SLC25A21: variants seen among roughly 807,000 people sequenced by gnomAD.
SLC25A21 encodes solute carrier family 25 member 21.
A neutral mutation model predicts 43.8 loss-of-function variants in SLC25A21; 47 were observed. The ratio of observed to expected loss-of-function variants is 1.07; its 90% CI spans 0.85 to 1.37. SLC25A21 has a LOEUF of 1.37. Ranked by LOEUF, SLC25A21 falls within the 40% of genes most tolerant of loss-of-function variation. SLC25A21 has a pLI of 0.00. For synonymous variants in SLC25A21, 131 were observed against 121.3 expected (o/e 1.08, Z -0.52); for missense variants, 352 against 350.2 (o/e 1.00, Z -0.04).
intron 7 of SLC25A21, among the ~76,000 whole-genome samples, chr14:36,688,056 ACT>A (rs1376485461): frequency 1.3e-5 from 2 of 152,116 alleles, no homozygotes; most frequent in Non-Finnish European, 2.9e-5. Flanking sequence ...CCGAATCCAT[ACT>A]ATGGTCACAC....
At chr14:37,127,812 C>T (rs947957067) in intron 1 of SLC25A21, among the ~76,000 whole-genome samples, 4 of 152,100 alleles carry the variant, frequency 2.6e-5, no homozygotes, top group African/African-American at 4.8e-5. Context: ...ATTTTTCATT[C>T]CAGTTTTAGA....
chr14:36,819,694 C>T lies in SLC25A21; in HGVS notation c.120-5693G>A, dbSNP rs569274312. On this transcript the variant is annotated intron_variant, in intron 2 of 9. Coordinates refer to ENST00000331299, the MANE Select transcript of SLC25A21 (RefSeq NM_030631.4). Reference sequence around the variant, plus strand: ...TATCATCTTCTTAACAAATACTGAACGAGTCTATTCTGGGGAGTGGAGGCT... The same window carrying T: ...TATCATCTTCTTAACAAATACTGAATGAGTCTATTCTGGGGAGTGGAGGCT... Among the ~76,000 whole-genome samples, 8 of 152,138 alleles carry T rather than the reference C, an allele frequency of 5.3e-5. 1 individual carries two copies. The highest frequency in any genetic ancestry group is 1.4e-4 in the African/African-American group (6 of 41,494).
At chr14:37,058,513 T>C (rs1961877907) in intron 1 of SLC25A21, among the ~76,000 whole-genome samples, 1 of 152,336 alleles carries the variant, frequency 6.6e-6, no homozygotes, top group Admixed American at 6.5e-5. Flanking sequence ...TTCATTTTCC[T>C]CCATGAGTTT....
At chr14:36,976,721 G>T (rs1427055696) in intron 1 of SLC25A21, among the ~76,000 whole-genome samples, 1 of 152,182 alleles carries the variant, frequency 6.6e-6, no homozygotes, top group African/African-American at 2.4e-5. Flanking sequence ...CCACTGGCTG[G>T]GACAGCAGAA....
At chr14:36,697,069 A>G (rs1883059675) in intron 7 of SLC25A21, among the ~76,000 whole-genome samples, 1 of 152,150 alleles carries the variant, frequency 6.6e-6, no homozygotes, top group African/African-American at 2.4e-5. Context: ...TTCCCTGTAC[A>G]CACCGCTTTA....
chr14:37,093,713 G>C (rs1029325032), intron 1 of SLC25A21, among the ~76,000 whole-genome samples: 1 of 152,116 alleles, frequency 6.6e-6, no homozygotes, highest in Non-Finnish European at 1.5e-5. Context: ...GGAAAAAAGT[G>C]GGGGGAGGAT....
intron 1 of SLC25A21, among the ~76,000 whole-genome samples, chr14:36,971,858 G>A (rs537884420): frequency 2.0e-4 from 30 of 152,204 alleles, no homozygotes; most frequent in Admixed American, 1.0e-3. Flanking sequence ...GTACTAGTTG[G>A]GAAAGGCAAG....
intron 1 of SLC25A21, among the ~76,000 whole-genome samples, chr14:36,902,984 AAAC>A (rs201438966): frequency 9.9e-5 from 15 of 152,168 alleles, no homozygotes; most frequent in South Asian, 4.2e-4. Context: ...AACAAAACCA[AAAC>A]AACAACAACA....
chr14:37,151,710 A>C (rs528780207), intron 1 of SLC25A21, among the ~76,000 whole-genome samples: 13 of 152,332 alleles, frequency 8.5e-5, no homozygotes, highest in African/African-American at 3.1e-4. Context: ...TCAGCCTTGA[A>C]CAAGATATTT....
chr14:36,824,043 C>G (rs560378110), intron 2 of SLC25A21, among the ~76,000 whole-genome samples: 3 of 152,318 alleles, frequency 2.0e-5, no homozygotes, highest in East Asian at 3.9e-4. Context: ...CACTAGAGAA[C>G]AGGAGCCAGG....
At chr14:36,999,028 C>T (rs1249238705) in intron 1 of SLC25A21, among the ~76,000 whole-genome samples, 1 of 152,068 alleles carries the variant, frequency 6.6e-6, no homozygotes, top group Non-Finnish European at 1.5e-5. Flanking sequence ...ATACTTGTTC[C>T]ATAGAATGCA....
At chr14:37,141,893 C>T (rs941698263) in intron 1 of SLC25A21, among the ~76,000 whole-genome samples, 3 of 152,172 alleles carry the variant, frequency 2.0e-5, no homozygotes, top group African/African-American at 7.2e-5. Context: ...CTTGGCTGCA[C>T]ATTGGACTCA....
At chr14:36,785,503 G>A (rs1887216160) in intron 3 of SLC25A21, among the ~76,000 whole-genome samples, 1 of 152,162 alleles carries the variant, frequency 6.6e-6, no homozygotes, top group Admixed American at 6.5e-5. Context: ...GGATTATTGA[G>A]ACAACAGCCA....
chr14:37,012,341 T>C lies in SLC25A21; in HGVS notation c.71-137337A>G, dbSNP rs987647095. ...TGATGCATCAAATGTGTTCTTTTTA[T>C]ATGTTATTCACATATTCCATCAAAC... On this transcript the variant is annotated intron_variant, in intron 1 of 9. Transcript: ENST00000331299. Among the ~76,000 whole-genome samples the C allele has an allele frequency of 3.3e-5, 5 of 152,230 alleles. No homozygotes were observed. In the East Asian group the frequency reaches 9.6e-4, roughly 29 times the overall value.
chr14:36,784,915 A>C (rs570436290), intron 3 of SLC25A21, among the ~76,000 whole-genome samples: 63 of 152,340 alleles, frequency 4.1e-4, no homozygotes, highest in Non-Finnish European at 8.5e-4. Context: ...TATTTAATGT[A>C]GGGAGCAAAG....
intron 3 of SLC25A21, among the ~76,000 whole-genome samples, chr14:36,764,173 A>AAAGAAAGAAAGAAAGC (rs1886302174): frequency 2.7e-5 from 2 of 75,022 alleles, no homozygotes; most frequent in Non-Finnish European, 4.7e-5. Flanking sequence ...AGAAAGAAAG[A>AAAGAAAGAAAGAAAGC]AAGAAAGAAA....
At chr14:37,103,004 T>A (rs1962845653) in intron 1 of SLC25A21, among the ~76,000 whole-genome samples, 2 of 149,896 alleles carry the variant, frequency 1.3e-5, no homozygotes, top group African/African-American at 2.5e-5. Context: ...AAAAAAAAAA[T>A]TAATCAAAGT....
chr14:37,022,985 G>A (rs1594756563), intron 1 of SLC25A21, among the ~76,000 whole-genome samples: 2 of 151,950 alleles, frequency 1.3e-5, no homozygotes, highest in African/African-American at 4.8e-5. Context: ...AGACATGACC[G>A]TCCATTTCAG....
intron 7 of SLC25A21, among the ~76,000 whole-genome samples, chr14:36,698,578 A>T (rs1012051822): frequency 6.6e-6 from 1 of 152,130 alleles, no homozygotes; most frequent in African/African-American, 2.4e-5. Flanking sequence ...GTCTTTTCAC[A>T]TAGTCCCATA....
Sources: gnomAD v4.1 joint callset for allele counts (sites outside exome capture counted in the v4.1 genomes callset) on GRCh38, gnomAD v4.1.1 for gene constraint, MANE v1.5 for transcripts, NCBI Gene and HGNC (gene_info 2026-07-23, HGNC 2026-07-21) for gene names.